The following SLC9A9 variants were observed in gnomAD, a reference collection of about 807,000 sequenced individuals.
SLC9A9 encodes the protein sodium/hydrogen exchanger 9.
Under a neutral mutation model 77.8 loss-of-function variants are expected in SLC9A9, and 62 were observed. The ratio of observed to expected loss-of-function variants is 0.80; its 90% confidence interval spans 0.65 to 0.98. The LOEUF is 0.98. Among genes scored for constraint, SLC9A9 ranks in the 50% least tolerant of loss-of-function variants. The pLI, the probability that SLC9A9 is intolerant of heterozygous loss-of-function variation, is 0.00. For synonymous variants in SLC9A9, 320 were observed against 283.5 expected (o/e 1.13, Z -1.29); for missense variants, 775 against 774.9 (o/e 1.00, Z 0.00).
At chr3:143,416,268 A>T (rs1559906442) in intron 12 of SLC9A9, among the ~76,000 whole-genome samples, 1 of 152,210 alleles carries the variant, frequency 6.6e-6, no homozygotes, top group Non-Finnish European at 1.5e-5. Flanking sequence ...CTTGATTGAT[A>T]AAGCAGTGGC....
chr3:143,461,586 A>G (rs966201528), intron 12 of SLC9A9, among the ~76,000 whole-genome samples: 1 of 152,142 alleles, frequency 6.6e-6, no homozygotes, highest in Non-Finnish European at 1.5e-5. Flanking sequence ...AATTTTACAG[A>G]TTAAGAAATT....
intron 12 of SLC9A9, among the ~76,000 whole-genome samples, chr3:143,403,116 A>G (rs535475728): frequency 6.6e-6 from 1 of 152,270 alleles, no homozygotes; most frequent in Admixed American, 6.5e-5. Flanking sequence ...TATAAACACA[A>G]TTCGGTGTTG....
chr3:143,311,835 G>A (rs1187373299), intron 14 of SLC9A9, among the ~76,000 whole-genome samples: 20 of 152,180 alleles, frequency 1.3e-4, no homozygotes. Flanking sequence ...TGAGCATTAT[G>A]AGAATGAAAA....
At chr3:143,487,029 G>T (rs1021952442) in intron 11 of SLC9A9, among the ~76,000 whole-genome samples, 1 of 151,930 alleles carries the variant, frequency 6.6e-6, no homozygotes, top group African/African-American at 2.4e-5. Context: ...GCTGTCTAAG[G>T]AGACTGATTT....
At chr3:143,319,535 T>A in intron 14 of SLC9A9, among the ~76,000 whole-genome samples, 1 of 152,210 alleles carries the variant, frequency 6.6e-6, no homozygotes, top group East Asian at 1.9e-4. Flanking sequence ...TCTGAAGGGA[T>A]AAGATCTTCC....
chr3:143,628,909 T>C lies in SLC9A9; in HGVS notation c.755+23346A>G, dbSNP rs74952565. On this transcript the variant is annotated intron_variant, in intron 6 of 15. Coordinates refer to ENST00000316549, the MANE Select transcript of SLC9A9 (RefSeq NM_173653.4). ...AGATTAATATATTCAAAACTTCTTATTGAGCAAAAATAATAATAATGTAGT... is the reference window on the plus strand; with the variant it reads ...AGATTAATATATTCAAAACTTCTTACTGAGCAAAAATAATAATAATGTAGT... Among the ~76,000 whole-genome samples the C allele has an allele frequency of 6.7e-4, 102 of 152,296 alleles. 1 individual carries two copies. The East Asian group carries it at 0.019, about 29-fold the overall frequency.
intron 12 of SLC9A9, among the ~76,000 whole-genome samples, chr3:143,450,423 C>T (rs2034985507): frequency 6.6e-6 from 1 of 151,458 alleles, no homozygotes; most frequent in Non-Finnish European, 1.5e-5. Flanking sequence ...CTGAATTTTA[C>T]AGAGCCAATA....
intron 4 of SLC9A9, among the ~76,000 whole-genome samples, chr3:143,794,123 G>A (rs571876014): frequency 3.3e-5 from 5 of 152,142 alleles, no homozygotes; most frequent in Non-Finnish European, 5.9e-5. Flanking sequence ...TAAAGACACC[G>A]CCTGACACTT....
chr3:143,673,257 A>G (rs2039187582), intron 5 of SLC9A9, among the ~76,000 whole-genome samples: 1 of 152,128 alleles, frequency 6.6e-6, no homozygotes, highest in Non-Finnish European at 1.5e-5. Flanking sequence ...TCATTTTGCC[A>G]AGTTGGAGAA....
chr3:143,545,828 A>C (rs1228354310), intron 9 of SLC9A9, among the ~76,000 whole-genome samples: 1 of 152,194 alleles, frequency 6.6e-6, no homozygotes, highest in Non-Finnish European at 1.5e-5. Context: ...TTTGGCCTCA[A>C]GTTAAATGGC....
At chr3:143,651,234 T>C (rs1346535278) in intron 6 of SLC9A9, among the ~76,000 whole-genome samples, 1 of 152,228 alleles carries the variant, frequency 6.6e-6, no homozygotes, top group Non-Finnish European at 1.5e-5. Flanking sequence ...TTGCACTCAC[T>C]GATATTTTCC....
intron 14 of SLC9A9, chr3:143,342,339 C>G (rs2032125351): frequency 6.6e-6 from 1 of 152,182 alleles, no homozygotes; most frequent in Non-Finnish European, 1.5e-5. Context: ...CATGTGCTAC[C>G]ATACCGAGCT....
At chr3:143,610,446 C>T (rs2038006635) in intron 6 of SLC9A9, among the ~76,000 whole-genome samples, 2 of 152,196 alleles carry the variant, frequency 1.3e-5, no homozygotes, top group South Asian at 2.1e-4. Flanking sequence ...TATGCTCAGC[C>T]CACATTTCTA....
chr3:143,693,403 G>T, intron 4 of SLC9A9, 96 bp from the exon 5 acceptor site: 1 of 993,412 alleles, frequency 1.0e-6, no homozygotes, highest in Non-Finnish European at 1.6e-6. Flanking sequence ...TCCTGAATAC[G>T]TATCATGCAC....
intron 5 of SLC9A9, among the ~76,000 whole-genome samples, chr3:143,663,548 C>T (rs1242053): frequency 0.031 from 4,789 of 152,194 alleles, 107 homozygotes; most frequent in Middle Eastern, 0.088. Context: ...GAACCCATCA[C>T]GAAGAAGTTA....
chr3:143,832,629 C>A (rs548911514), intron 1 of SLC9A9, among the ~76,000 whole-genome samples: 5 of 152,150 alleles, frequency 3.3e-5, no homozygotes, highest in Admixed American at 6.5e-5. Context: ...TTATCCCCAT[C>A]AGACTTTATT....
At chr3:143,832,250 T>G in intron 1 of SLC9A9, 29 bp from the exon 2 acceptor site, 1 of 1,578,662 alleles carries the variant, frequency 6.3e-7, no homozygotes, top group Non-Finnish European at 8.7e-7. Context: ...ATAATGGTAC[T>G]GGAGGAAGGC....
At chr3:143,348,055 C>T (rs1389323709) in intron 14 of SLC9A9, among the ~76,000 whole-genome samples, 2 of 150,866 alleles carry the variant, frequency 1.3e-5, no homozygotes, top group African/African-American at 4.9e-5. Flanking sequence ...TACTCTGTCG[C>T]CAGGCTGGAG....
chr3:143,589,867 T>C (rs140060979), intron 6 of SLC9A9, among the ~76,000 whole-genome samples: 1 of 152,198 alleles, frequency 6.6e-6, no homozygotes, highest in East Asian at 1.9e-4. Flanking sequence ...CACAGAGAAA[T>C]AACTCGAACA....
Sources: allele counts gnomAD v4.1 joint callset (sites outside exome capture counted in the v4.1 genomes callset), GRCh38; gene constraint gnomAD v4.1.1; transcripts MANE v1.5; gene names NCBI Gene and HGNC (gene_info 2026-07-23, HGNC 2026-07-21).